Variants in LRBA observed in about 807,000 individuals in gnomAD.
LRBA encodes the protein lipopolysaccharide-responsive and beige-like anchor protein.
In LRBA, 176 loss-of-function variants were observed where a neutral mutation model predicts 330.0. The ratio of observed to expected loss-of-function variants is 0.53; its 90% CI spans 0.47 to 0.60. The LOEUF (loss-of-function observed/expected upper bound fraction) is 0.60. LRBA is among the 20% of genes least tolerant of loss of function. LRBA has a pLI of 0.00. For synonymous variants in LRBA, 1,230 were observed against 1,193.0 expected, an observed-to-expected ratio of 1.03 and a Z score of -0.64; for missense variants, 3,259 against 3,444.8, an observed-to-expected ratio of 0.95 and a Z score of 1.35.
intron 36 of LRBA, among the ~76,000 whole-genome samples, chr4:150,695,520 G>A (rs548658204): frequency 2.0e-4 from 30 of 152,168 alleles, no homozygotes; most frequent in African/African-American, 7.0e-4. Flanking sequence ...GTCTCTCAGT[G>A]TTGGCCAGGC....
intron 48 of LRBA, among the ~76,000 whole-genome samples, chr4:150,339,990 C>T (rs1735292534): frequency 6.6e-6 from 1 of 152,028 alleles, no homozygotes; most frequent in Non-Finnish European, 1.5e-5. Context: ...TTCCCCCATA[C>T]TATTCTTGTG....
chr4:150,268,245 T>C (rs1471664867), intron 56 of LRBA, among the ~76,000 whole-genome samples: 1 of 151,964 alleles, frequency 6.6e-6, no homozygotes, highest in Non-Finnish European at 1.5e-5. Context: ...GAAATAGAAA[T>C]GATTAGACTT....
intron 35 of LRBA, among the ~76,000 whole-genome samples, chr4:150,755,885 A>T (rs946428970): frequency 1.3e-5 from 2 of 151,854 alleles, no homozygotes; most frequent in Non-Finnish European, 2.9e-5. Context: ...AAGAAAAAAA[A>T]AAAAATTAAA....
At chr4:150,832,357 G>A (rs1747333912) in intron 28 of LRBA, among the ~76,000 whole-genome samples, 1 of 152,050 alleles carries the variant, frequency 6.6e-6, no homozygotes, top group Non-Finnish European at 1.5e-5. Context: ...AGTACTTTGG[G>A]GGCCAAACCA....
chr4:150,849,025 T>TAC, intron 25 of LRBA, 27 bp from the exon 26 acceptor site: 1 of 1,483,744 alleles, frequency 6.7e-7, no homozygotes, highest in Non-Finnish European at 9.1e-7. Context: ...TTGACATTTA[T>TAC]ATATATATAT....
At chr4:150,454,907 A>G (rs552691177) in intron 44 of LRBA, among the ~76,000 whole-genome samples, 2 of 151,596 alleles carry the variant, frequency 1.3e-5, no homozygotes, top group African/African-American at 2.4e-5. Context: ...TTTATTTCTT[A>G]TTATTAATTT....
At chr4:150,294,864 T>C (rs973648779) in intron 53 of LRBA, among the ~76,000 whole-genome samples, 7 of 152,060 alleles carry the variant, frequency 4.6e-5, no homozygotes, top group African/African-American at 1.4e-4. Flanking sequence ...GTCAGGAGAA[T>C]TGCTTGAACC....
At chr4:150,665,458 C>T (rs538159766) in intron 37 of LRBA, among the ~76,000 whole-genome samples, 49 of 152,206 alleles carry the variant, frequency 3.2e-4, no homozygotes, top group Admixed American at 1.5e-3. Context: ...AAGGATGAGA[C>T]GCTACGTTAA....
At chr4:150,626,767 C>T (rs987636764) in intron 37 of LRBA, among the ~76,000 whole-genome samples, 1 of 152,046 alleles carries the variant, frequency 6.6e-6, no homozygotes, top group Non-Finnish European at 1.5e-5. Flanking sequence ...TGTTTAAACA[C>T]TTGGAAATGG....
intron 47 of LRBA, among the ~76,000 whole-genome samples, chr4:150,402,241 C>A (rs1365766368): frequency 1.4e-5 from 2 of 148,076 alleles, no homozygotes; most frequent in African/African-American, 2.5e-5. Flanking sequence ...CGAGATCAGG[C>A]ACTTTCAGGG....
chr4:150,624,567 A>G (rs1006316931), intron 37 of LRBA, among the ~76,000 whole-genome samples: 1 of 152,128 alleles, frequency 6.6e-6, no homozygotes, highest in African/African-American at 2.4e-5. Flanking sequence ...TTTCTACCAT[A>G]ATCTTGAACA....
rs72736368 is a variant in LRBA at position 150,650,957 on chromosome 4, T to C, written c.5921+32594A>G. On this transcript the variant is annotated intron_variant, in intron 37 of 56. Transcript: ENST00000651943. ...AACTAATCCTCATGAGGTAAAGTTA[T>C]GAATTAAGTGGTGCTCAGAACACTA... Among the ~76,000 whole-genome samples the C allele has an allele frequency of 1.6e-3, 243 of 152,284 alleles. 1 individual carries two copies. Among genetic ancestry groups the C allele is most frequent in the Admixed American group, 3.6e-3 (55 of 15,284 alleles).
intron 53 of LRBA, among the ~76,000 whole-genome samples, chr4:150,298,312 G>A (rs1729216569): frequency 6.6e-6 from 1 of 152,010 alleles, no homozygotes; most frequent in Non-Finnish European, 1.5e-5. Context: ...CAGACTTGAT[G>A]AGTAGTCTAT....
chr4:150,623,102 G>A (rs1581842156), intron 37 of LRBA, among the ~76,000 whole-genome samples: 1 of 152,296 alleles, frequency 6.6e-6, no homozygotes, highest in Non-Finnish European at 1.5e-5. Context: ...TGGATTAGAA[G>A]AAGGGCAGAT....
intron 38 of LRBA, among the ~76,000 whole-genome samples, chr4:150,591,785 C>G (rs1221229050): frequency 6.6e-6 from 1 of 151,988 alleles, no homozygotes; most frequent in Non-Finnish European, 1.5e-5. Context: ...GAAGAAGCAG[C>G]CCTGCAGAGC....
In LRBA at chr4:150,271,040, G is replaced by A. The variant is rs531475165; in HGVS notation, c.8469-5228C>T. Among the ~76,000 whole-genome samples the A allele has an allele frequency of 4.7e-3, 710 of 152,272 alleles. 3 individuals are homozygous for A. The highest frequency in any genetic ancestry group is 7.7e-3 in the Non-Finnish European group (524 of 68,028). ...CTCGTTGGGACTGGTTGGACAGTGG[G>A]TGCAGCCCACGGAGGGCAAGCCGAA... is the stretch of plus-strand genomic sequence containing the variant. On this transcript the variant is annotated intron_variant, in intron 56 of 56. Coordinates refer to ENST00000651943, the MANE Select transcript of LRBA (RefSeq NM_001364905.1).
intron 2 of LRBA, among the ~76,000 whole-genome samples, chr4:150,953,102 T>C (rs1048311368): frequency 6.6e-6 from 1 of 152,208 alleles, no homozygotes; most frequent in African/African-American, 2.4e-5. Context: ...TGATCATTTC[T>C]ATCTGAAGAG....
intron 38 of LRBA, among the ~76,000 whole-genome samples, chr4:150,597,788 G>C (rs1204521570): frequency 2.6e-5 from 4 of 151,870 alleles, no homozygotes; most frequent in Non-Finnish European, 5.9e-5. Flanking sequence ...TACTCTAAAA[G>C]CAAAAGTGGC....
intron 44 of LRBA, among the ~76,000 whole-genome samples, chr4:150,451,764 C>G (rs1753372489): frequency 6.6e-6 from 1 of 152,052 alleles, no homozygotes; most frequent in Non-Finnish European, 1.5e-5. Flanking sequence ...TCTAACCAGA[C>G]TGGTCCAGAG....
Sources: gnomAD v4.1 joint callset for allele counts (sites outside exome capture counted in the v4.1 genomes callset) on GRCh38, gnomAD v4.1.1 for gene constraint, MANE v1.5 for transcripts, NCBI Gene and HGNC (gene_info 2026-07-23, HGNC 2026-07-21) for gene names.